Variants in LMX1A observed in about 807,000 individuals in gnomAD.
The protein encoded by LMX1A is LIM homeobox transcription factor 1-alpha.
LMX1A carries 15 observed loss-of-function variants against 49.1 expected under a neutral mutation model. The ratio of observed to expected loss-of-function variants is 0.31; its 90% CI spans 0.20 to 0.47. The LOEUF is 0.47. LMX1A is among the 20% of genes least tolerant of loss of function. The pLI is 1.00. For missense variants in LMX1A, 372 were observed against 475.8 expected, an observed-to-expected ratio of 0.78 and a Z score of 2.03; for synonymous variants, 167 against 185.7, an observed-to-expected ratio of 0.90 and a Z score of 0.82.
chr1:165,328,286 T>C (rs1231545415), intron 3 of LMX1A, among the ~76,000 whole-genome samples: 1 of 152,230 alleles, frequency 6.6e-6, no homozygotes, highest in Non-Finnish European at 1.5e-5. Context: ...AATAAACTGT[T>C]AGCATGTGAC....
intron 3 of LMX1A, among the ~76,000 whole-genome samples, chr1:165,302,206 T>A (rs10753674): frequency 9.8e-5 from 13 of 132,656 alleles, no homozygotes; most frequent in African/African-American, 1.4e-4. Flanking sequence ...GGGAGGCCGG[T>A]GGGGGGCGGG....
At chr1:165,209,640 C>G (rs886135976) in intron 6 of LMX1A, among the ~76,000 whole-genome samples, 8 of 152,162 alleles carry the variant, frequency 5.3e-5, no homozygotes, top group Non-Finnish European at 1.5e-5. Context: ...CTGGGGTGCA[C>G]AGGGAGGGCA....
intron 3 of LMX1A, among the ~76,000 whole-genome samples, chr1:165,323,036 C>T (rs1655468066): frequency 6.6e-6 from 1 of 152,120 alleles, no homozygotes; most frequent in Non-Finnish European, 1.5e-5. Flanking sequence ...GGAATACCTC[C>T]CTTACTCCCC....
chr1:165,210,848 A>T (rs1476102325), intron 5 of LMX1A, 72 bp from the exon 6 acceptor site: 1 of 1,120,766 alleles, frequency 8.9e-7, no homozygotes, highest in Admixed American at 1.9e-5. Flanking sequence ...CTCCTATATA[A>T]TACTTGAGGA....
chr1:165,253,098 T>C (rs745669292), intron 3 of LMX1A, among the ~76,000 whole-genome samples: 1 of 152,170 alleles, frequency 6.6e-6, no homozygotes, highest in Non-Finnish European at 1.5e-5. Context: ...TGTTATGTGG[T>C]AGAAATTGTT....
Position 165,355,839 on chromosome 1 carries a change from C to A in LMX1A, c.-22-258G>T, listed in dbSNP as rs1339793051. The A allele has an allele frequency of 4.1e-6, 2 of 484,884 alleles. No individual in the cohort carries two copies. Among genetic ancestry groups the A allele is most frequent in the Non-Finnish European group, 7.4e-6 (2 of 270,796 alleles). 30.0% of individuals were successfully genotyped at this position (484,884 alleles called of 1,614,324 possible). Reference sequence around the variant, plus strand: ...CCCCCCAACTGCGTTTCTCCTTCTCCTGCCCCCCTCACCCCCACCTACATC... The same window carrying A: ...CCCCCCAACTGCGTTTCTCCTTCTCATGCCCCCCTCACCCCCACCTACATC... On this transcript the variant is annotated intron_variant, in intron 1 of 8. Coordinates refer to ENST00000342310, the MANE Select transcript of LMX1A (RefSeq NM_177398.4). This position sits in a 1 kb window ranked among gnomAD's most constrained non-coding sequence, Gnocchi z 4.7.
intron 2 of LMX1A, 72 bp from the exon 3 acceptor site, chr1:165,353,334 G>A: frequency 4.0e-6 from 5 of 1,258,884 alleles, no homozygotes; most frequent in Non-Finnish European, 5.6e-6. Flanking sequence ...GCCGGGACCC[G>A]CTCCTGATCC....
In LMX1A at chr1:165,241,198, T is replaced by C. The variant is rs571382293; in HGVS notation, c.496+8210A>G. 1.6e-4 allele frequency among the ~76,000 whole-genome samples: 25 copies of C among 152,250 alleles called. No individual in the cohort carries two copies. In the East Asian group the frequency reaches 3.1e-3, roughly 19 times the overall value. On this transcript the variant is annotated intron_variant, in intron 4 of 8. Coordinates refer to ENST00000342310, the MANE Select transcript of LMX1A (RefSeq NM_177398.4). ...CTTTATGCACCCTAGCCACCCAAAA[T>C]GACAGGCCCTATCTGTACCACCATG...
At chr1:165,285,547 G>T (rs911819206) in intron 3 of LMX1A, among the ~76,000 whole-genome samples, 1 of 152,164 alleles carries the variant, frequency 6.6e-6, no homozygotes, top group African/African-American at 2.4e-5. Context: ...AACAAGAGAA[G>T]CCTTCAATCT....
chr1:165,308,569 G>C (rs545814542), intron 3 of LMX1A, among the ~76,000 whole-genome samples: 39 of 152,208 alleles, frequency 2.6e-4, no homozygotes, highest in South Asian at 1.9e-3. Context: ...TTGGTGATTC[G>C]CACTTTCTCA....
intron 7 of LMX1A, among the ~76,000 whole-genome samples, chr1:165,207,310 T>C (rs1409611056): frequency 1.4e-5 from 2 of 147,550 alleles, no homozygotes; most frequent in African/African-American, 2.5e-5. Flanking sequence ...GTAACTCTTC[T>C]TTTTTTTTTT....
chr1:165,292,516 G>A (rs933992407), intron 3 of LMX1A, among the ~76,000 whole-genome samples: 6 of 152,190 alleles, frequency 3.9e-5, no homozygotes, highest in Admixed American at 1.3e-4. Context: ...GCTTCCAACC[G>A]GGAGGGTCAC....
chr1:165,281,857 C>A (rs1222494374), intron 3 of LMX1A, among the ~76,000 whole-genome samples: 1 of 152,094 alleles, frequency 6.6e-6, no homozygotes, highest in Non-Finnish European at 1.5e-5. Flanking sequence ...GACTGACCAG[C>A]AATTCTGCTG....
chr1:165,297,250 G>A (rs1303177703), intron 3 of LMX1A, among the ~76,000 whole-genome samples: 2 of 152,188 alleles, frequency 1.3e-5, no homozygotes, highest in Admixed American at 1.3e-4. Context: ...AATAAAGGCT[G>A]TCTACCCTAG....
At chr1:165,230,147 G>A (rs1198163594) in intron 4 of LMX1A, among the ~76,000 whole-genome samples, 1 of 152,140 alleles carries the variant, frequency 6.6e-6, no homozygotes, top group Non-Finnish European at 1.5e-5. Flanking sequence ...GCAGTGTTTG[G>A]ACCCTGACCT....
intron 4 of LMX1A, among the ~76,000 whole-genome samples, chr1:165,215,722 T>C (rs1481179732): frequency 2.0e-5 from 3 of 152,174 alleles, no homozygotes; most frequent in Non-Finnish European, 4.4e-5. Context: ...GAACACTAAA[T>C]TGTGAGTTCC....
At chr1:165,297,460 G>T (rs1390031606) in intron 3 of LMX1A, among the ~76,000 whole-genome samples, 1 of 152,178 alleles carries the variant, frequency 6.6e-6, no homozygotes, top group Non-Finnish European at 1.5e-5. Context: ...ATTCTTAGTG[G>T]AAGTTGAAAC....
chr1:165,337,785 G>C (rs1219193305), intron 3 of LMX1A, among the ~76,000 whole-genome samples: 2 of 151,784 alleles, frequency 1.3e-5, no homozygotes, highest in African/African-American at 4.9e-5. Flanking sequence ...AGTTTTAGTT[G>C]GCCAGAAGCT....
chr1:165,268,278 T>C (rs1653687685), intron 3 of LMX1A, among the ~76,000 whole-genome samples: 1 of 152,216 alleles, frequency 6.6e-6, no homozygotes, highest in African/African-American at 2.4e-5. Flanking sequence ...AGCCAAAATA[T>C]TGCATAAACC....
Sources: allele counts gnomAD v4.1 joint callset (sites outside exome capture counted in the v4.1 genomes callset), GRCh38; gene constraint gnomAD v4.1.1; non-coding constraint Gnocchi (gnomAD v3.1); transcripts MANE v1.5; gene names NCBI Gene and HGNC (gene_info 2026-07-23, HGNC 2026-07-21).